Variants in SORBS2 observed in about 807,000 individuals in gnomAD.
The protein encoded by SORBS2 is sorbin and SH3 domain-containing protein 2.
Under a neutral mutation model 97.7 loss-of-function variants are expected in SORBS2, and 46 were observed. The observed-to-expected ratio is 0.47, with a 90% confidence interval of 0.37 to 0.60. The LOEUF (loss-of-function observed/expected upper bound fraction) is 0.60, where lower values mean the gene tolerates loss of function less well. Among genes scored for constraint, SORBS2 ranks in the 20% least tolerant of loss-of-function variants. SORBS2 has a pLI of 0.00. For missense variants in SORBS2, 1,316 were observed against 1,282.3 expected (o/e 1.03, Z -0.40); for synonymous variants, 476 against 473.4 (o/e 1.01, Z -0.07).
At chr4:185,652,780 G>C (rs1415662444) in intron 1 of SORBS2, 52 bp from the exon 10 acceptor site, 1 of 1,253,160 alleles carries the variant, frequency 8.0e-7, no homozygotes, top group Non-Finnish European at 1.2e-6. Flanking sequence ...AATCAACATC[G>C]CTTCTCAGTG....
chr4:185,624,118 G>A (rs370884236), exon 7 of SORBS2: 11 of 1,614,184 alleles, frequency 6.8e-6, no homozygotes, highest in South Asian at 2.2e-5. Context: ...TTGATCTGCC[G>A]TTACTGCGAA....
chr4:185,594,688 G>A (rs1256848323), intron 12 of SORBS2, among the ~76,000 whole-genome samples: 2 of 152,124 alleles, frequency 1.3e-5, no homozygotes. Context: ...GAAATGACAA[G>A]CCTTAGCATC....
chr4:185,913,688 C>T (rs991332338), intron 1 of SORBS2, among the ~76,000 whole-genome samples: 2 of 152,140 alleles, frequency 1.3e-5, no homozygotes, highest in South Asian at 2.1e-4. Flanking sequence ...GACATTGTAA[C>T]ACCAGGAATG....
intron 1 of SORBS2, among the ~76,000 whole-genome samples, chr4:185,869,352 G>T (rs2099229099): frequency 6.6e-6 from 1 of 152,234 alleles, no homozygotes; most frequent in African/African-American, 2.4e-5. Flanking sequence ...CAAATACAAG[G>T]TTTATTTTTT....
intron 3 of SORBS2, 36 bp from the exon 7 acceptor site, chr4:185,678,583 T>C: frequency 6.7e-7 from 1 of 1,488,672 alleles, no homozygotes; most frequent in Non-Finnish European, 8.9e-7. Flanking sequence ...TACAAAAATA[T>C]CTACGTTCAC....
chr4:185,678,108 A>T (rs1210098536), intron 4 of SORBS2, among the ~76,000 whole-genome samples: 2 of 152,194 alleles, frequency 1.3e-5, no homozygotes, highest in African/African-American at 4.8e-5. Flanking sequence ...TACATAATGT[A>T]TTGCTGACCT....
intron 2 of SORBS2, among the ~76,000 whole-genome samples, chr4:185,709,323 T>TTTTTTTTTTTTTTTTTTTTTTTTTTTA: frequency 7.1e-6 from 1 of 140,598 alleles, no homozygotes; most frequent in African/African-American, 2.8e-5. Flanking sequence ...TTTTTTTTTT[T>TTTTTTTTTTTTTTTTTTTTTTTTTTTA]TAGTAAAAGG....
chr4:185,918,502 A>G (rs1283091741), intron 1 of SORBS2: 1 of 152,130 alleles, frequency 6.6e-6, no homozygotes, highest in African/African-American at 2.4e-5. Flanking sequence ...AGATGCATCT[A>G]CCCTCTGGCT....
At chr4:185,673,468 G>A (rs2097749938) in intron 4 of SORBS2, among the ~76,000 whole-genome samples, 1 of 152,146 alleles carries the variant, frequency 6.6e-6, no homozygotes, top group African/African-American at 2.4e-5. Flanking sequence ...TAAAAAAAAT[G>A]AAGTATTGTT....
intron 7 of SORBS2, among the ~76,000 whole-genome samples, chr4:185,621,414 C>G (rs1257331292): frequency 6.6e-6 from 1 of 151,994 alleles, no homozygotes; most frequent in Non-Finnish European, 1.5e-5. Context: ...AAAGCCCTTC[C>G]AAGTTACGTT....
intron 2 of SORBS2, among the ~76,000 whole-genome samples, chr4:185,740,838 CCAGCACCAACTCAGAT>C (rs1227518277): frequency 1.3e-5 from 2 of 152,208 alleles, no homozygotes; most frequent in African/African-American, 4.8e-5. Context: ...CTAACTCAGC[CCAGCACCAACTCAGAT>C]CAGCACCAAC....
intron 7 of SORBS2, among the ~76,000 whole-genome samples, chr4:185,620,430 A>C (rs547303122): frequency 6.6e-6 from 1 of 152,338 alleles, no homozygotes; most frequent in South Asian, 2.1e-4. Context: ...CACACCCAGT[A>C]AGACAATTTA....
At chr4:185,729,544 A>C (rs2098597268) in intron 2 of SORBS2, among the ~76,000 whole-genome samples, 1 of 152,184 alleles carries the variant, frequency 6.6e-6, no homozygotes, top group African/African-American at 2.4e-5. Flanking sequence ...GGATCTGTGT[A>C]CTCGAGGTCA....
At chr4:185,855,059 T>C (rs560228334) in intron 1 of SORBS2, among the ~76,000 whole-genome samples, 24 of 152,332 alleles carry the variant, frequency 1.6e-4, no homozygotes, top group African/African-American at 5.8e-4. Context: ...ACCAGTCTAA[T>C]GGTTTATTTG....
intron 1 of SORBS2, among the ~76,000 whole-genome samples, chr4:185,900,595 G>C (rs1014061137): frequency 6.6e-6 from 1 of 152,096 alleles, no homozygotes; most frequent in Non-Finnish European, 1.5e-5. Context: ...GTTATATAGA[G>C]AGAGAAAAAA....
intron 2 of SORBS2, among the ~76,000 whole-genome samples, chr4:185,703,977 G>T (rs1345538004): frequency 6.6e-6 from 1 of 152,044 alleles, no homozygotes; most frequent in South Asian, 2.1e-4. Context: ...AATCCTCCAG[G>T]GTCCTAGTTT....
chr4:185,627,733 A>G (rs536224906), intron 5 of SORBS2, among the ~76,000 whole-genome samples: 1 of 152,232 alleles, frequency 6.6e-6, no homozygotes, highest in South Asian at 2.1e-4. Context: ...TAAACATTTT[A>G]GGGGTTTTGA....
chr4:185,730,317 T>C (rs1165466905), intron 2 of SORBS2, among the ~76,000 whole-genome samples: 1 of 151,286 alleles, frequency 6.6e-6, no homozygotes, highest in Non-Finnish European at 1.5e-5. Flanking sequence ...TTTCTTTTTT[T>C]TTTTTTTTTT....
intron 1 of SORBS2, among the ~76,000 whole-genome samples, chr4:185,826,010 G>A (rs1003159735): frequency 2.0e-5 from 3 of 152,098 alleles, no homozygotes; most frequent in Non-Finnish European, 4.4e-5. Flanking sequence ...AAGCTGGCCT[G>A]AAAGCATTTA....
Sources: gnomAD v4.1 joint callset for allele counts (sites outside exome capture counted in the v4.1 genomes callset) on GRCh38, gnomAD v4.1.1 for gene constraint, MANE v1.5 for transcripts, NCBI Gene and HGNC (gene_info 2026-07-23, HGNC 2026-07-21) for gene names.